The following MYT1L variants were observed in gnomAD, a reference collection of about 807,000 sequenced individuals.
MYT1L encodes myelin transcription factor 1-like protein.
In MYT1L, 12 loss-of-function variants were observed where a neutral mutation model predicts 126.7. That is an observed-to-expected ratio of 0.09 (90% CI 0.06 to 0.15). The LOEUF (loss-of-function observed/expected upper bound fraction) is 0.15, where lower values mean the gene tolerates loss of function less well. MYT1L is among the 10% of genes least tolerant of loss of function. The pLI is 1.00. For synonymous variants in MYT1L, 541 were observed against 604.2 expected, an observed-to-expected ratio of 0.90 and a Z score of 1.53; for missense variants, 979 against 1,585.2, an observed-to-expected ratio of 0.62 and a Z score of 6.49.
intron 9 of MYT1L, among the ~76,000 whole-genome samples, chr2:1,925,796 T>C (rs950037691): frequency 6.6e-6 from 1 of 152,160 alleles, no homozygotes; most frequent in African/African-American, 2.4e-5. Context: ...TCGGCGCCCA[T>C]CATGACTTGG....
chr2:2,015,301 T>C (rs1314258184), intron 4 of MYT1L, among the ~76,000 whole-genome samples: 1 of 152,204 alleles, frequency 6.6e-6, no homozygotes, highest in Non-Finnish European at 1.5e-5. Flanking sequence ...AGGCGCAGCA[T>C]GCAGGATGTT....
chr2:2,290,869 C>T (rs147246741), intron 1 of MYT1L, among the ~76,000 whole-genome samples: 31 of 152,232 alleles, frequency 2.0e-4, no homozygotes, highest in Non-Finnish European at 2.9e-5. Flanking sequence ...CAAAAGAAAT[C>T]CCCAGAACTA....
intron 9 of MYT1L, among the ~76,000 whole-genome samples, chr2:1,928,208 G>A (rs2054486206): frequency 6.6e-6 from 1 of 152,188 alleles, no homozygotes; most frequent in South Asian, 2.1e-4. Context: ...CCATAGTGCT[G>A]GAATTACAGG....
intron 2 of MYT1L, among the ~76,000 whole-genome samples, chr2:2,275,072 G>C (rs2095331958): frequency 6.6e-6 from 1 of 152,130 alleles, no homozygotes; most frequent in Non-Finnish European, 1.5e-5. Flanking sequence ...TGCTGGTTTG[G>C]GGTGGGGACC....
At chr2:1,948,520 AAT>A (rs2057446771) in intron 8 of MYT1L, among the ~76,000 whole-genome samples, 1 of 152,174 alleles carries the variant, frequency 6.6e-6, no homozygotes, top group Non-Finnish European at 1.5e-5. Context: ...AAAGGTTTAG[AAT>A]ATTTCAAATG....
chr2:1,895,475 T>G (rs1043349192), intron 14 of MYT1L, among the ~76,000 whole-genome samples: 7 of 152,192 alleles, frequency 4.6e-5, no homozygotes, highest in Non-Finnish European at 7.3e-5. Flanking sequence ...AAGGCTACAG[T>G]AACCAAAATA....
intron 21 of MYT1L, among the ~76,000 whole-genome samples, chr2:1,830,189 A>C (rs935097408): frequency 2.0e-5 from 3 of 152,256 alleles, no homozygotes; most frequent in Admixed American, 6.5e-5. Flanking sequence ...GAGAGATGAG[A>C]TAGTGGAAAG....
At chr2:2,290,782 T>A (rs1033596652) in intron 1 of MYT1L, among the ~76,000 whole-genome samples, 1 of 152,152 alleles carries the variant, frequency 6.6e-6, no homozygotes, top group Non-Finnish European at 1.5e-5. Flanking sequence ...TAGTCTGGGG[T>A]GAGGCCCAGG....
At chr2:2,180,664 G>C (rs2091342757) in intron 2 of MYT1L, among the ~76,000 whole-genome samples, 1 of 151,612 alleles carries the variant, frequency 6.6e-6, no homozygotes, top group Non-Finnish European at 1.5e-5. Flanking sequence ...GTGTATGCCT[G>C]TGTGTGCACC....
chr2:2,012,290 G>T lies in MYT1L; in HGVS notation c.-157-14943C>A, dbSNP rs950652312. 2.6e-5 allele frequency among the ~76,000 whole-genome samples: 4 copies of T among 152,178 alleles called. 1 individual carries two copies. In the South Asian group the frequency reaches 8.3e-4, roughly 32 times the overall value. On this transcript the variant is annotated intron_variant, in intron 4 of 24. Coordinates refer to ENST00000647738, the MANE Select transcript of MYT1L (RefSeq NM_001303052.2). The stretch of plus-strand genomic sequence containing the variant: ...ATGAAATATATATCTGCCATAAAAA[G>T]TTATGAAGCACTGATAGATGCTACG...
At chr2:2,080,086 T>C (rs2075656990) in intron 3 of MYT1L, among the ~76,000 whole-genome samples, 1 of 152,240 alleles carries the variant, frequency 6.6e-6, no homozygotes, top group Non-Finnish European at 1.5e-5. Context: ...CAAGTCTTTT[T>C]AATGAATGGT....
chr2:1,926,519 A>G (rs1028202375), intron 9 of MYT1L, among the ~76,000 whole-genome samples: 1 of 152,146 alleles, frequency 6.6e-6, no homozygotes, highest in Non-Finnish European at 1.5e-5. Context: ...CACAAAATGA[A>G]CATTCCAACC....
intron 3 of MYT1L, among the ~76,000 whole-genome samples, chr2:2,114,113 T>G: frequency 6.6e-6 from 1 of 152,240 alleles, no homozygotes; most frequent in East Asian, 1.9e-4. Flanking sequence ...ATGTGTCAGA[T>G]CCCAGCATAA....
At chr2:1,961,844 G>T (rs2058987006) in intron 8 of MYT1L, among the ~76,000 whole-genome samples, 1 of 152,192 alleles carries the variant, frequency 6.6e-6, no homozygotes, top group African/African-American at 2.4e-5. Flanking sequence ...TGAGTAATGG[G>T]TACAAATATA....
chr2:2,010,428 G>A (rs114582430), intron 4 of MYT1L, among the ~76,000 whole-genome samples: 116 of 152,238 alleles, frequency 7.6e-4, no homozygotes, highest in African/African-American at 2.6e-3. Flanking sequence ...GGACAGTTAG[G>A]TGTTGTCTGG....
intron 3 of MYT1L, among the ~76,000 whole-genome samples, chr2:2,142,021 A>G (rs2084057173): frequency 1.3e-5 from 2 of 152,234 alleles, no homozygotes; most frequent in South Asian, 4.1e-4. Flanking sequence ...TTTAGTCAAT[A>G]TAAGAAAATA....
intron 3 of MYT1L, among the ~76,000 whole-genome samples, 195 bp downstream of exon 3, chr2:2,172,675 ACT>A (rs2090220264): frequency 6.7e-6 from 1 of 149,940 alleles, no homozygotes; most frequent in South Asian, 2.1e-4. Flanking sequence ...GGGTACCTGT[ACT>A]CTGTCGCCAG....
At chr2:2,318,899 A>T (rs900959988) in intron 1 of MYT1L, among the ~76,000 whole-genome samples, 1 of 152,216 alleles carries the variant, frequency 6.6e-6, no homozygotes, top group Non-Finnish European at 1.5e-5. Context: ...AGAGACTATA[A>T]AATGCTAATT....
At chr2:2,042,128 C>A (rs1217966947) in intron 4 of MYT1L, among the ~76,000 whole-genome samples, 2 of 152,180 alleles carry the variant, frequency 1.3e-5, no homozygotes, top group African/African-American at 4.8e-5. Context: ...TCAAAGGCAG[C>A]CCCGCAATCC....
Sources: allele counts gnomAD v4.1 joint callset (sites outside exome capture counted in the v4.1 genomes callset), GRCh38; gene constraint gnomAD v4.1.1; transcripts MANE v1.5; gene names NCBI Gene and HGNC (gene_info 2026-07-23, HGNC 2026-07-21).